The following GJA1 variants were observed in gnomAD, a reference collection of about 807,000 sequenced individuals.
The protein encoded by GJA1 is gap junction alpha-1 protein.
In GJA1, 9 loss-of-function variants were observed where a neutral mutation model predicts 31.0. The ratio of observed to expected loss-of-function variants is 0.29; its 90% CI spans 0.17 to 0.51. The LOEUF is 0.51. Among genes scored for constraint, GJA1 ranks in the 20% least tolerant of loss-of-function variants. The probability of loss-of-function intolerance (pLI) is 0.98; values close to 1 mark genes in which losing one functional copy is unlikely to be tolerated. For missense variants in GJA1, 278 were observed against 468.8 expected, an observed-to-expected ratio of 0.59 and a Z score of 3.76; for synonymous variants, 186 against 180.1, an observed-to-expected ratio of 1.03 and a Z score of -0.26.
chr6:121,447,257 A>G lies in GJA1; in HGVS notation c.410A>G (p.Tyr137Cys). ...CAGATTGAGATAAAGAAGTTCAAGT[A>G]CGGTATTGAAGAGCATGGTAAGGTG... ...LKQIEIKKFK[Y>C]GIEEHGKVKM... The change falls in exon 2 of 2, where the codon TAC becomes TGC. Residue 137 changes from tyrosine to cysteine, a missense_variant. Around this residue, in one of 3 missense-constraint regions of GJA1, gnomAD observed 80 missense variants for 163.5 expected, o/e 0.49. Coordinates refer to ENST00000282561, the MANE Select transcript of GJA1 (RefSeq NM_000165.5). The G allele has an allele frequency of 6.2e-7, 1 of 1,614,200 alleles. No homozygotes were observed. The highest frequency in any genetic ancestry group is 8.5e-7 in the Non-Finnish European group (1 of 1,180,032).
At chr6:121,442,647 G>C (rs1037177409) in intron 1 of GJA1, among the ~76,000 whole-genome samples, 21 of 152,150 alleles carry the variant, frequency 1.4e-4, no homozygotes, top group African/African-American at 5.1e-4. Context: ...TTACTTCCTA[G>C]GCCCCACCTC....
chr6:121,437,277 TGG>T (rs936852173), intron 1 of GJA1, among the ~76,000 whole-genome samples: 1 of 151,522 alleles, frequency 6.6e-6, no homozygotes, highest in African/African-American at 2.4e-5. Context: ...AGAGATGGGC[TGG>T]GTGCCAAATG....
intron 1 of GJA1, among the ~76,000 whole-genome samples, chr6:121,436,331 G>A (rs111781113): frequency 3.3e-5 from 5 of 152,172 alleles, no homozygotes; most frequent in African/African-American, 1.2e-4. Flanking sequence ...CTTGATTGAT[G>A]TTCTATAGCT....
chr6:121,446,538 C>T lies in GJA1; in HGVS notation c.-16-294C>T, dbSNP rs1189869202. On this transcript the variant is annotated intron_variant, in intron 1 of 1. Transcript: ENST00000282561. ...TTAGCACAGGTGGCTTCTCAAGTCA[C>T]ACAGCAAGGCAGTGGTTGAGCAAGC... Among the ~76,000 whole-genome samples, 3 of 152,294 alleles carry T rather than the reference C, an allele frequency of 2.0e-5. No homozygotes were observed. The East Asian group carries it at 5.8e-4, about 29-fold the overall frequency.
Position 121,435,762 on chromosome 6 carries a change from C to T in GJA1, c.-87C>T, listed in dbSNP as rs1263521795. Reference sequence around the variant, plus strand: ...AGACAGGTCTGAGTGCCTGAACTTGCCTTTTCATTTTACTTCATCCTCCAA... The same window carrying T: ...AGACAGGTCTGAGTGCCTGAACTTGTCTTTTCATTTTACTTCATCCTCCAA... On this transcript the variant is annotated 5_prime_UTR_variant, in exon 1 of 2. Coordinates refer to ENST00000282561, the MANE Select transcript of GJA1 (RefSeq NM_000165.5). 2.6e-5 allele frequency: 4 copies of T among 152,202 alleles called. No homozygotes were observed. The highest frequency in any genetic ancestry group is 2.6e-4 in the Admixed American group (4 of 15,270). The allele number at this position is 152,202 out of a possible 1,614,324, so 9.4% of individuals were successfully genotyped here. A position where few individuals can be genotyped will look rare whatever the true frequency, so the allele number is the denominator to read the frequency against.
intron 1 of GJA1, among the ~76,000 whole-genome samples, chr6:121,437,124 G>A (rs895426451): frequency 1.3e-5 from 2 of 152,230 alleles, no homozygotes; most frequent in African/African-American, 4.8e-5. Flanking sequence ...CTTAGCGTCT[G>A]CCGGGATCCT....
intron 1 of GJA1, among the ~76,000 whole-genome samples, chr6:121,442,120 TC>T (rs1773803956): frequency 6.6e-6 from 1 of 152,222 alleles, no homozygotes; most frequent in African/African-American, 2.4e-5. Context: ...CCTTCTCTTT[TC>T]TTTCAATCAT....
At chr6:121,438,911 CTTTT>C (rs3840371) in intron 1 of GJA1, among the ~76,000 whole-genome samples, 2 of 150,914 alleles carry the variant, frequency 1.3e-5, no homozygotes, top group Non-Finnish European at 3.0e-5. Flanking sequence ...GTGGTTAGCT[CTTTT>C]TTTTTAATAC....
Position 121,447,745 on chromosome 6 carries a change from A to T in GJA1, c.898A>T (p.Asn300Tyr). 6.2e-7 allele frequency: 1 copy of T among 1,614,080 alleles called. No homozygotes were observed. The highest frequency in any genetic ancestry group is 1.1e-5 in the South Asian group (1 of 91,078). ...CGACAGAAACAATTCTTCTTGCCGC[A>T]ATTACAACAAGCAAGCAAGTGAGCA... The part of the protein sequence containing the change: ...TGDRNNSSCR[N>Y]YNKQASEQNW... The change falls in exon 2 of 2, where the codon AAT becomes TAT. Residue 300 changes from asparagine to tyrosine, a missense_variant. Asn to Tyr is a moderately radical substitution (Grantham distance 143). Coordinates refer to ENST00000282561, the MANE Select transcript of GJA1 (RefSeq NM_000165.5).
intron 1 of GJA1, among the ~76,000 whole-genome samples, chr6:121,437,974 C>G (rs771699323): frequency 6.6e-5 from 10 of 152,124 alleles, no homozygotes; most frequent in African/African-American, 1.2e-4. Context: ...GCAGAGATTT[C>G]ATTAAGCGAG....
chr6:121,443,559 A>G (rs1773833497), intron 1 of GJA1, among the ~76,000 whole-genome samples: 1 of 152,230 alleles, frequency 6.6e-6, no homozygotes, highest in Non-Finnish European at 1.5e-5. Context: ...GTGTTTTTGT[A>G]GAATCTCAAA....
Position 121,447,004 on chromosome 6 carries a change from C to T in GJA1, c.157C>T (p.Arg53Cys), listed in dbSNP as rs1189422011. The T allele has an allele frequency of 6.2e-6, 10 of 1,614,046 alleles. No individual in the cohort carries two copies. Among genetic ancestry groups the T allele is most frequent in the Admixed American group, 3.3e-5 (2 of 60,018 alleles). ...CTGGGGAGATGAGCAGTCTGCCTTT[C>T]GTTGTAACACTCAGCAACCTGGTTG... Reference protein sequence around the residue: ...SAWGDEQSAFRCNTQQPGCEN... With the variant: ...SAWGDEQSAFCCNTQQPGCEN... The change falls in exon 2 of 2, where the codon CGT becomes TGT. Residue 53 changes from arginine (R) to cysteine (C), a missense_variant. Arg to Cys is a radical substitution (Grantham distance 180). This residue lies in a region of GJA1 where 26 missense variants were observed against 114.4 expected (regional missense o/e 0.23). Coordinates refer to ENST00000282561, the MANE Select transcript of GJA1 (RefSeq NM_000165.5).
intron 1 of GJA1, among the ~76,000 whole-genome samples, chr6:121,439,705 T>C (rs1454924123): frequency 6.6e-6 from 1 of 152,154 alleles, no homozygotes; most frequent in Non-Finnish European, 1.5e-5. Flanking sequence ...TGGATGCTAA[T>C]GTAAGTTCAG....
intron 1 of GJA1, among the ~76,000 whole-genome samples, chr6:121,441,931 AG>A (rs1382469101): frequency 6.6e-6 from 1 of 152,164 alleles, no homozygotes; most frequent in Non-Finnish European, 1.5e-5. Context: ...AAACATTACA[AG>A]GGTTTGCATT....
chr6:121,439,275 C>G (rs1359867408), intron 1 of GJA1, among the ~76,000 whole-genome samples: 1 of 152,060 alleles, frequency 6.6e-6, no homozygotes, highest in Non-Finnish European at 1.5e-5. Flanking sequence ...CTTTACTGAG[C>G]TGTTACTAAG....
chr6:121,448,391 T>C lies in GJA1; in HGVS notation c.*395T>C, dbSNP rs1323928912. On this transcript the variant is annotated 3_prime_UTR_variant, in exon 2 of 2. Coordinates refer to ENST00000282561, the MANE Select transcript of GJA1 (RefSeq NM_000165.5). ...TTTTACCAAGAAACTGAAATAATTCTGGCCAGGAATAAATACTTCCTGAAC... is the reference window on the plus strand; with the variant it reads ...TTTTACCAAGAAACTGAAATAATTCCGGCCAGGAATAAATACTTCCTGAAC... 6.7e-5 allele frequency: 18 copies of C among 267,396 alleles called. No homozygotes were observed. Among genetic ancestry groups the C allele is most frequent in the Non-Finnish European group, 1.2e-4 (16 of 128,616 alleles). 16.6% of individuals were successfully genotyped at this position (267,396 alleles called of 1,614,324 possible).
At position 121,446,991 on chromosome 6, in the gene GJA1, G is replaced by A; in HGVS notation, c.144G>A (p.Glu48=). The change falls in exon 2 of 2, where the codon GAG becomes GAA. Residue 48 remains glutamate, a synonymous_variant. Coordinates refer to ENST00000282561, the MANE Select transcript of GJA1 (RefSeq NM_000165.5). ...CGGTTGAGTCAGCCTGGGGAGATGAGCAGTCTGCCTTTCGTTGTAACACTC... is the reference window on the plus strand; with the variant it reads ...CGGTTGAGTCAGCCTGGGGAGATGAACAGTCTGCCTTTCGTTGTAACACTC... The part of the protein sequence containing the change: ...GTAVESAWGD[E]QSAFRCNTQQ... 1 of 1,614,106 alleles carries A rather than the reference G, an allele frequency of 6.2e-7. No individual in the cohort carries two copies. Among genetic ancestry groups the A allele is most frequent in the Non-Finnish European group, 8.5e-7 (1 of 1,179,988 alleles).
chr6:121,440,416 C>T (rs975999163), intron 1 of GJA1, among the ~76,000 whole-genome samples: 1 of 151,916 alleles, frequency 6.6e-6, no homozygotes. Flanking sequence ...TGCAAAGAGC[C>T]TTTTTTCTTA....
chr6:121,448,136 A>C lies in GJA1; in HGVS notation c.*140A>C. 1 of 771,398 alleles carries C rather than the reference A, an allele frequency of 1.3e-6. No individual in the cohort carries two copies. Among genetic ancestry groups the C allele is most frequent in the Non-Finnish European group, 2.3e-6 (1 of 437,192 alleles). The allele number at this position is 771,398 out of a possible 1,614,324, so 47.8% of individuals were successfully genotyped here. A position where few individuals can be genotyped will look rare whatever the true frequency, so the allele number is the denominator to read the frequency against. Reference sequence around the variant, plus strand: ...TTCATGAGGCTTAGAAAACACAAAGACATTAGAATACCTAGGTTCACTGGG... The same window carrying C: ...TTCATGAGGCTTAGAAAACACAAAGCCATTAGAATACCTAGGTTCACTGGG... On this transcript the variant is annotated 3_prime_UTR_variant, in exon 2 of 2. Coordinates refer to ENST00000282561, the MANE Select transcript of GJA1 (RefSeq NM_000165.5).
Sources: gnomAD v4.1 joint callset for allele counts (sites outside exome capture counted in the v4.1 genomes callset) on GRCh38, gnomAD v4.1.1 for gene constraint, gnomAD v4.1.1 regional missense constraint, MANE v1.5 for transcripts, NCBI Gene and HGNC (gene_info 2026-07-23, HGNC 2026-07-21) for gene names.